The following ARHGAP17 variants were observed in gnomAD, a reference collection of about 807,000 sequenced individuals.
ARHGAP17 encodes the protein rho GTPase-activating protein 17.
ARHGAP17 carries 57 observed loss-of-function variants against 99.5 expected under a neutral mutation model. That is an observed-to-expected ratio of 0.57 (90% CI 0.46 to 0.71). ARHGAP17 has a LOEUF of 0.71. Among genes scored for constraint, ARHGAP17 ranks in the 30% least tolerant of loss-of-function variants. The pLI is 0.00. For synonymous variants in ARHGAP17, 417 were observed against 429.6 expected (o/e 0.97, Z 0.36); for missense variants, 1,000 against 1,122.4 (o/e 0.89, Z 1.56).
intron 14 of ARHGAP17, among the ~76,000 whole-genome samples, chr16:24,946,356 C>T (rs1277208531): frequency 6.6e-6 from 1 of 151,750 alleles, no homozygotes; most frequent in Non-Finnish European, 1.5e-5. Context: ...ACGATGGAAA[C>T]CAGGCCCTTT....
In ARHGAP17 at chr16:25,015,104, G is replaced by A. The variant is rs898031172; in HGVS notation, c.53+105C>T. The A allele has an allele frequency of 1.1e-5, 12 of 1,099,672 alleles. No individual in the cohort carries two copies. The African/African-American group carries it at 2.0e-4, about 18-fold the overall frequency. The allele number at this position is 1,099,672 out of a possible 1,614,324, so 68.1% of individuals were successfully genotyped here. On this transcript the variant is annotated intron_variant, in intron 1 of 19. Coordinates refer to ENST00000289968, the MANE Select transcript of ARHGAP17 (RefSeq NM_001006634.3). Reference sequence around the variant, plus strand: ...CCGCTGGTCTCGGGCAGGGGCTGCGGCCCAGCTCAGAGCCGCCGGACCGCG... The same window carrying A: ...CCGCTGGTCTCGGGCAGGGGCTGCGACCCAGCTCAGAGCCGCCGGACCGCG...
At chr16:24,920,317 CCTGAGGGTGCT>C (rs775413659) in intron 19 of ARHGAP17, 57 bp from the exon 20 acceptor site, 911 of 1,599,310 alleles carry the variant, frequency 5.7e-4, no homozygotes, top group Non-Finnish European at 7.2e-4. Flanking sequence ...CGAGAGGCCA[CCTGAGGGTGCT>C]CTGAGAAGAA....
chr16:24,995,526 C>T lies in ARHGAP17; in HGVS notation c.54-16521G>A, dbSNP rs1489551065. 2.6e-5 allele frequency among the ~76,000 whole-genome samples: 4 copies of T among 152,246 alleles called. No individual in the cohort carries two copies. In the South Asian group the frequency reaches 6.2e-4, roughly 24 times the overall value. On this transcript the variant is annotated intron_variant, in intron 1 of 19. Transcript: ENST00000289968. ...CCCACCCCATTTAAGCTCAGGTACA[C>T]GGGATCTGCTGAAGATTGTGAGCAA...
intron 19 of ARHGAP17, among the ~76,000 whole-genome samples, chr16:24,929,454 T>C (rs1202483509): frequency 2.0e-5 from 3 of 152,202 alleles, no homozygotes; most frequent in African/African-American, 4.8e-5. Flanking sequence ...GAAATGTCAA[T>C]ATGCTACAGA....
At chr16:24,964,076 C>T (rs949169713) in intron 7 of ARHGAP17, 121 bp downstream of exon 7, 6 of 634,400 alleles carry the variant, frequency 9.5e-6, no homozygotes, top group African/African-American at 1.9e-5. Context: ...TAAAACCTAC[C>T]TTTAAAATCA....
chr16:24,967,514 T>C (rs2052223367), intron 6 of ARHGAP17, among the ~76,000 whole-genome samples: 1 of 152,110 alleles, frequency 6.6e-6, no homozygotes. Flanking sequence ...AAGTCACTGA[T>C]AGAAACTCCA....
At chr16:24,988,555 A>G (rs1038207024) in intron 1 of ARHGAP17, among the ~76,000 whole-genome samples, 1 of 152,214 alleles carries the variant, frequency 6.6e-6, no homozygotes, top group Non-Finnish European at 1.5e-5. Context: ...AATGACAATA[A>G]AAGCCTTCTC....
At chr16:24,958,128 C>T (rs1160130333) in intron 9 of ARHGAP17, among the ~76,000 whole-genome samples, 4 of 152,146 alleles carry the variant, frequency 2.6e-5, no homozygotes, top group Non-Finnish European at 5.9e-5. Flanking sequence ...GTCCCATCCC[C>T]GCTCTCCATG....
intron 3 of ARHGAP17, 91 bp from the exon 4 acceptor site, chr16:24,970,671 T>C: frequency 8.2e-7 from 1 of 1,220,882 alleles, no homozygotes; most frequent in Non-Finnish European, 1.2e-6. Context: ...AATTTCTCCC[T>C]CCAGGCAAAT....
chr16:24,981,362 T>G (rs758276326), intron 1 of ARHGAP17, among the ~76,000 whole-genome samples: 3 of 152,166 alleles, frequency 2.0e-5, no homozygotes, highest in Non-Finnish European at 4.4e-5. Context: ...GTAACTAGTA[T>G]GCTCAGCTGC....
At position 25,008,847 on chromosome 16, in the gene ARHGAP17, C is replaced by T. The variant is rs902605979; in HGVS notation, c.53+6362G>A. 6.7e-3 allele frequency among the ~76,000 whole-genome samples: 1,021 copies of T among 152,142 alleles called. 5 individuals are homozygous for T. The highest frequency in any genetic ancestry group is 8.2e-3 in the Admixed American group (126 of 15,288). On this transcript the variant is annotated intron_variant, in intron 1 of 19. Transcript: ENST00000289968. ...TTTATGGTTTTAGAGTTCATTTCTTCCCCCCAGTAAAGAATGGATTTTCAC... is the reference window on the plus strand; with the variant it reads ...TTTATGGTTTTAGAGTTCATTTCTTTCCCCCAGTAAAGAATGGATTTTCAC...
intron 19 of ARHGAP17, chr16:24,929,584 G>A (rs1272988677): frequency 1.0e-6 from 1 of 987,538 alleles, no homozygotes; most frequent in Non-Finnish European, 1.2e-6. Flanking sequence ...GGCGAGCTAT[G>A]GGGCAAGCTG....
At chr16:24,943,346 C>T (rs1242952663) in intron 15 of ARHGAP17, among the ~76,000 whole-genome samples, 2 of 152,210 alleles carry the variant, frequency 1.3e-5, no homozygotes, top group African/African-American at 2.4e-5. Context: ...TATTCAACAT[C>T]GCCTCTTCTA....
chr16:24,961,100 G>A (rs1312015306), intron 7 of ARHGAP17, among the ~76,000 whole-genome samples: 2 of 151,936 alleles, frequency 1.3e-5, no homozygotes, highest in East Asian at 3.9e-4. Flanking sequence ...CTGGCCTCAA[G>A]TGATCCACCC....
At chr16:24,973,056 G>A (rs1034972739) in intron 3 of ARHGAP17, among the ~76,000 whole-genome samples, 8 of 151,898 alleles carry the variant, frequency 5.3e-5, no homozygotes, top group Middle Eastern at 3.4e-3. Context: ...GGCTGGTATC[G>A]ACTCCTGAGC....
intron 12 of ARHGAP17, 61 bp from the exon 13 acceptor site, chr16:24,949,545 G>C: frequency 6.9e-7 from 1 of 1,441,952 alleles, no homozygotes; most frequent in Non-Finnish European, 9.6e-7. Context: ...TTATTAATAT[G>C]CTATGTTAAA....
Position 24,930,853 on chromosome 16 carries a change from G to A in ARHGAP17, c.2446C>T (p.Pro816Ser). ...CTGTCCCCAGCTGAGTGGACACCAG[G>A]AGGTTGGGGGGGTGGGGGCACGCTG... Reference protein sequence around the residue: ...RPSVPPPPQPPGVHSAGDSSL... With the variant: ...RPSVPPPPQPSGVHSAGDSSL... The change falls in exon 19 of 20, where the codon CCT (proline) becomes TCT (serine). Residue 816 changes from proline (P) to serine (S), a missense_variant. Physicochemically the swap from Pro to Ser is moderately conservative, Grantham distance 74. Coordinates refer to ENST00000289968, the MANE Select transcript of ARHGAP17 (RefSeq NM_001006634.3). The A allele has an allele frequency of 6.2e-7, 1 of 1,614,100 alleles. No individual in the cohort carries two copies. Among genetic ancestry groups the A allele is most frequent in the Non-Finnish European group, 8.5e-7 (1 of 1,180,012 alleles).
chr16:24,975,836 C>G (rs2052497427), intron 3 of ARHGAP17, among the ~76,000 whole-genome samples: 1 of 152,152 alleles, frequency 6.6e-6, no homozygotes, highest in South Asian at 2.1e-4. Flanking sequence ...ATGGAACTCC[C>G]TCATGAACAA....
At chr16:24,971,935 A>G (rs2052377843) in intron 3 of ARHGAP17, among the ~76,000 whole-genome samples, 1 of 152,218 alleles carries the variant, frequency 6.6e-6, no homozygotes, top group African/African-American at 2.4e-5. Context: ...CTACGGGCCA[A>G]TGGCTTATCT....
Sources: allele counts gnomAD v4.1 joint callset (sites outside exome capture counted in the v4.1 genomes callset), GRCh38; gene constraint gnomAD v4.1.1; transcripts MANE v1.5; gene names NCBI Gene and HGNC (gene_info 2026-07-23, HGNC 2026-07-21).